The following ZBTB38 variants were observed in gnomAD, a reference collection of about 807,000 sequenced individuals.
The protein encoded by ZBTB38 is zinc finger and BTB domain-containing protein 38.
In ZBTB38, 20 loss-of-function variants were observed where a neutral mutation model predicts 76.8. That is an observed-to-expected ratio of 0.26 (90% CI 0.18 to 0.38). The LOEUF (loss-of-function observed/expected upper bound fraction) is 0.38. ZBTB38 is among the 10% of genes least tolerant of loss of function. ZBTB38 has a pLI of 1.00. For synonymous variants in ZBTB38, 504 were observed against 544.2 expected (o/e 0.93, Z 1.03); for missense variants, 1,082 against 1,482.3 (o/e 0.73, Z 4.43).
intron 4 of ZBTB38, among the ~76,000 whole-genome samples, chr3:141,401,203 GTTTTTT>G (rs542281777): frequency 1.3e-5 from 2 of 151,742 alleles, no homozygotes; most frequent in Non-Finnish European, 2.9e-5. Flanking sequence ...TTTTGTTTTT[GTTTTTT>G]TTAAGTGGGA....
At chr3:141,364,429 G>A (rs1943902105), upstream of ZBTB38, among the ~76,000 whole-genome samples, 1 of 151,748 alleles carries the variant, frequency 6.6e-6, no homozygotes, top group Non-Finnish European at 1.5e-5. Context: ...TGTAATCCCA[G>A]CACTTTGGGA....
chr3:141,331,076 C>T (rs756907586), intron 1 of ZBTB38, among the ~76,000 whole-genome samples: 2 of 152,246 alleles, frequency 1.3e-5, no homozygotes, highest in Admixed American at 1.3e-4. Flanking sequence ...TAGAGTTCCT[C>T]TGTCAGCTCA....
In ZBTB38 at chr3:141,444,422, T is replaced by C; in HGVS notation, c.2034T>C (p.Thr678=). The C allele has an allele frequency of 6.2e-7, 1 of 1,614,074 alleles. No individual in the cohort carries two copies. Among genetic ancestry groups the C allele is most frequent in the East Asian group, 2.2e-5 (1 of 44,894 alleles). The part of the protein sequence containing the change: ...FYSTEVSVSS[T]ENAVSSDLRA... ...CAACTGAGGTGTCAGTTTCTTCCACTGAAAATGCTGTCAGTTCTGACCTCC... is the reference window on the plus strand; with the variant it reads ...CAACTGAGGTGTCAGTTTCTTCCACCGAAAATGCTGTCAGTTCTGACCTCC... The change falls in exon 6 of 6, where the codon ACT becomes ACC. Residue 678 remains threonine (T), a synonymous_variant. Coordinates refer to ENST00000321464, the MANE Select transcript of ZBTB38 (RefSeq NM_001376113.1). The surrounding 1 kb of genome is among the most constrained non-coding windows in gnomAD (Gnocchi z 5.1).
chr3:141,359,572 A>G (rs77960891), intron 1 of ZBTB38, among the ~76,000 whole-genome samples: 1,887 of 152,346 alleles, frequency 0.012, 38 homozygotes, highest in African/African-American at 0.04. Context: ...AGCAAAGGAC[A>G]GTATTTTTTG....
chr3:141,441,546 G>A (rs1476837085), intron 5 of ZBTB38, among the ~76,000 whole-genome samples: 1 of 152,180 alleles, frequency 6.6e-6, no homozygotes, highest in South Asian at 2.1e-4. Flanking sequence ...GGCCAATAGC[G>A]CAGAGAGGCG....
intron 1 of ZBTB38, among the ~76,000 whole-genome samples, chr3:141,359,545 T>C (rs1943761414): frequency 6.6e-6 from 1 of 152,190 alleles, no homozygotes; most frequent in Non-Finnish European, 1.5e-5. Flanking sequence ...TCCAGGATAG[T>C]AGAGCATTCT....
intron 5 of ZBTB38, among the ~76,000 whole-genome samples, chr3:141,438,957 T>C (rs146101196): frequency 9.0e-4 from 129 of 143,822 alleles, no homozygotes; most frequent in African/African-American, 3.1e-3. Context: ...CCCACTTTGA[T>C]CATTTTTAAT....
At chr3:141,340,081 A>C (rs1008059179) in intron 1 of ZBTB38, among the ~76,000 whole-genome samples, 1 of 152,194 alleles carries the variant, frequency 6.6e-6, no homozygotes, top group African/African-American at 2.4e-5. Context: ...TGTTATTGTT[A>C]AACTTATTAA....
intron 4 of ZBTB38, chr3:141,402,721 G>C (rs1952677689): frequency 6.6e-6 from 1 of 152,084 alleles, no homozygotes; most frequent in African/African-American, 2.4e-5. Context: ...TGGAGAGTGC[G>C]GGCAGGTTGC....
At chr3:141,401,743 CCT>C (rs1411318040) in intron 4 of ZBTB38, among the ~76,000 whole-genome samples, 1 of 152,024 alleles carries the variant, frequency 6.6e-6, no homozygotes, top group Non-Finnish European at 1.5e-5. Context: ...TGTGGCAGGC[CCT>C]CTCTGAATAC....
chr3:141,333,880 T>A (rs991185882), intron 1 of ZBTB38, among the ~76,000 whole-genome samples: 1 of 152,174 alleles, frequency 6.6e-6, no homozygotes, highest in Admixed American at 6.5e-5. Context: ...ACAGTGTGGA[T>A]CTTACAGCTT....
intron 4 of ZBTB38, chr3:141,396,481 A>G: frequency 5.9e-6 from 1 of 168,908 alleles, no homozygotes; most frequent in Non-Finnish European, 1.3e-5. Flanking sequence ...TGAGGGTTGG[A>G]ACCAACATCT....
chr3:141,393,988 T>C (rs182531703), intron 4 of ZBTB38, among the ~76,000 whole-genome samples: 200 of 150,650 alleles, frequency 1.3e-3, no homozygotes, highest in Non-Finnish European at 2.1e-3. Context: ...ACTTTCCATT[T>C]CTTTTTTTTT....
chr3:141,448,333 G>T lies in ZBTB38; in HGVS notation c.*2357G>T, dbSNP rs1260909536. The T allele has an allele frequency of 6.6e-6, 1 of 152,574 alleles. No individual in the cohort carries two copies. Among genetic ancestry groups the T allele is most frequent in the African/African-American group, 2.4e-5 (1 of 41,442 alleles). The allele number at this position is 152,574 out of a possible 1,614,324, so 9.5% of individuals were successfully genotyped here. A position where few individuals can be genotyped will look rare whatever the true frequency, so the allele number is the denominator to read the frequency against. On this transcript the variant is annotated 3_prime_UTR_variant, in exon 6 of 6. Coordinates refer to ENST00000321464, the MANE Select transcript of ZBTB38 (RefSeq NM_001376113.1). ...TTCATTTAAAATGTTGATAGCTTGT[G>T]TTAGTTTCAGGGAGGGGTGTATATT...
chr3:141,375,097 A>C (rs890503872), intron 2 of ZBTB38, among the ~76,000 whole-genome samples: 1 of 152,220 alleles, frequency 6.6e-6, no homozygotes, highest in African/African-American at 2.4e-5. Flanking sequence ...AGACAAAAAA[A>C]ATTAGGAAAC....
rs77602818 is a variant in ZBTB38, at chr3:141,355,685, C to T, written c.-738-12936C>T. Among the ~76,000 whole-genome samples the T allele has an allele frequency of 5.2e-3, 784 of 152,158 alleles. 7 individuals carry two copies. Among genetic ancestry groups the T allele is most frequent in the African/African-American group, 0.018 (744 of 41,494 alleles). The stretch of plus-strand genomic sequence containing the variant: ...TCCCTGCCACCCTGTAAATCTCTAG[C>T]CCAAACACCCACCTCCCACACAGAC... On this transcript the variant is annotated intron_variant, in intron 1 of 7. Coordinates refer to the ZBTB38 transcript ENST00000509842.
At chr3:141,359,875 G>A (rs926123850) in intron 1 of ZBTB38, among the ~76,000 whole-genome samples, 6 of 152,074 alleles carry the variant, frequency 3.9e-5, no homozygotes. Flanking sequence ...AGGTTGGAGT[G>A]AGCCATGATC....
intron 1 of ZBTB38, among the ~76,000 whole-genome samples, chr3:141,334,578 G>A (rs1352236335): frequency 6.6e-6 from 1 of 151,806 alleles, no homozygotes; most frequent in Non-Finnish European, 1.5e-5. Context: ...TACATGGGAT[G>A]TCACCATAAG....
intron 5 of ZBTB38, among the ~76,000 whole-genome samples, chr3:141,432,991 T>G (rs1048267590): frequency 6.6e-6 from 1 of 152,180 alleles, no homozygotes; most frequent in Non-Finnish European, 1.5e-5. Flanking sequence ...TTTTCACCTG[T>G]GTATAGTGTG....
Sources: gnomAD v4.1 joint callset for allele counts (sites outside exome capture counted in the v4.1 genomes callset) on GRCh38, gnomAD v4.1.1 for gene constraint, Gnocchi (gnomAD v3.1) non-coding constraint, MANE v1.5 for transcripts, NCBI Gene and HGNC (gene_info 2026-07-23, HGNC 2026-07-21) for gene names.